FNBP4: variants seen among roughly 807,000 people sequenced by gnomAD.
The protein encoded by FNBP4 is formin-binding protein 4.
In FNBP4, 34 loss-of-function variants were observed where a neutral mutation model predicts 119.3. The observed-to-expected ratio is 0.28, with a 90% CI of 0.22 to 0.38. FNBP4 has a LOEUF of 0.38. Ranked by LOEUF, FNBP4 falls within the 10% of genes least tolerant of loss-of-function variation. FNBP4 has a pLI of 1.00. For missense variants in FNBP4, 1,112 were observed against 1,228.9 expected (o/e 0.90, Z 1.42); for synonymous variants, 462 against 430.6 (o/e 1.07, Z -0.90).
intron 8 of FNBP4, among the ~76,000 whole-genome samples, chr11:47,739,496 A>G (rs532279528): frequency 2.6e-5 from 4 of 152,292 alleles, no homozygotes; most frequent in African/African-American, 7.2e-5. Flanking sequence ...TAGAATGCAC[A>G]CACCCCTTTG....
intron 4 of FNBP4, among the ~76,000 whole-genome samples, chr11:47,751,514 T>C (rs1452365454): frequency 6.6e-6 from 1 of 151,688 alleles, no homozygotes; most frequent in Non-Finnish European, 1.5e-5. Flanking sequence ...CCTCCTACAT[T>C]GTGACAATAA....
chr11:47,719,840 C>T, intron 16 of FNBP4, 89 bp downstream of exon 16: 5 of 1,326,244 alleles, frequency 3.8e-6, no homozygotes, highest in Non-Finnish European at 5.2e-6. Context: ...TATTCTAATG[C>T]ATCTATAACA....
Position 47,753,120 on chromosome 11 carries a change from TA to T in FNBP4, c.451-19del. On this transcript the variant is annotated intron_variant, in intron 3 of 16. Transcript: ENST00000263773. ...TCGATCTCCTTCAGTATGAAAAGAG[TA>T]ACAAATGCAGTAATTATATCAAAAA... 1 of 1,570,778 alleles carries T rather than the reference TA, an allele frequency of 6.4e-7. No homozygotes were observed. The highest frequency in any genetic ancestry group is 8.6e-7 in the Non-Finnish European group (1 of 1,162,512).
chr11:47,750,648 C>T (rs1599234029), intron 6 of FNBP4, among the ~76,000 whole-genome samples: 1 of 125,746 alleles, frequency 8.0e-6, no homozygotes, highest in African/African-American at 3.1e-5. Context: ...GAGATCGCAC[C>T]ACTGTACTCC....
intron 3 of FNBP4, 96 bp downstream of exon 3, chr11:47,754,432 G>A: frequency 1.8e-6 from 2 of 1,139,776 alleles, no homozygotes; most frequent in South Asian, 1.5e-5. Context: ...GAGAAAGGAG[G>A]AGGAAGACAT....
chr11:47,722,909 T>G, intron 15 of FNBP4, 67 bp downstream of exon 15: 1 of 1,419,516 alleles, frequency 7.0e-7, no homozygotes, highest in Non-Finnish European at 9.2e-7. Context: ...GATAATTTCA[T>G]GTTATGTGAA....
At chr11:47,750,728 A>G (rs1253956968) in intron 6 of FNBP4, among the ~76,000 whole-genome samples, 188 bp downstream of exon 6, 1 of 150,880 alleles carries the variant, frequency 6.6e-6, no homozygotes, top group Non-Finnish European at 1.5e-5. Flanking sequence ...GAAAAAAGAA[A>G]AAAGAAAAAG....
At chr11:47,729,726 G>T (rs1386683059) in intron 12 of FNBP4, 9 of 985,224 alleles carry the variant, frequency 9.1e-6, no homozygotes, top group Non-Finnish European at 1.1e-5. Flanking sequence ...GCTGTGTTTT[G>T]TTTTTTCTCT....
intron 6 of FNBP4, 61 bp from the exon 7 acceptor site, chr11:47,746,455 C>A: frequency 7.6e-7 from 1 of 1,313,272 alleles, no homozygotes; most frequent in Non-Finnish European, 1.0e-6. Flanking sequence ...CCTGCACATA[C>A]ATTCAATTGC....
intron 6 of FNBP4, among the ~76,000 whole-genome samples, chr11:47,749,972 T>A (rs2097598673): frequency 6.6e-6 from 1 of 152,102 alleles, no homozygotes; most frequent in Admixed American, 6.6e-5. Flanking sequence ...ATATATGGAA[T>A]CCGAAAAATA....
chr11:47,719,082 G>T (rs1239758642), intron 16 of FNBP4, among the ~76,000 whole-genome samples: 2 of 151,936 alleles, frequency 1.3e-5, no homozygotes, highest in Non-Finnish European at 2.9e-5. Flanking sequence ...TAGAGATGGG[G>T]TTTCACCATG....
At chr11:47,766,400 G>A (rs1249155676) in intron 1 of FNBP4, among the ~76,000 whole-genome samples, 1 of 152,216 alleles carries the variant, frequency 6.6e-6, no homozygotes, top group Non-Finnish European at 1.5e-5. Context: ...TCCAGGCTAT[G>A]ATAGGACCTT....
In FNBP4 at chr11:47,746,281, T is replaced by C. The variant is rs1013737430; in HGVS notation, c.1020A>G (p.Arg340=). 3.1e-6 allele frequency: 5 copies of C among 1,614,052 alleles called. No individual in the cohort carries two copies. Among genetic ancestry groups the C allele is most frequent in the Non-Finnish European group, 4.2e-6 (5 of 1,180,040 alleles). The change falls in exon 7 of 17, where the codon AGA becomes AGG. Residue 340 remains arginine (R), a synonymous_variant. Coordinates refer to ENST00000263773, the MANE Select transcript of FNBP4 (RefSeq NM_015308.5). Reference sequence around the variant, plus strand: ...CTTTACAAATTACTTTTCTTCTCCATCTCTCTTCTTCTTCTTTTATTCCCT... The same window carrying C: ...CTTTACAAATTACTTTTCTTCTCCACCTCTCTTCTTCTTCTTTTATTCCCT... The part of the protein sequence containing the change: ...LPEGIKEEEE[R]WRRKVICKEE...
intron 6 of FNBP4, among the ~76,000 whole-genome samples, chr11:47,747,973 T>C (rs867498013): frequency 8.6e-5 from 13 of 151,074 alleles, no homozygotes; most frequent in African/African-American, 2.9e-4. Flanking sequence ...CTGGGCGTGG[T>C]GGCTCATGCC....
At chr11:47,763,546 G>C (rs1000735414) in intron 2 of FNBP4, among the ~76,000 whole-genome samples, 1 of 151,838 alleles carries the variant, frequency 6.6e-6, no homozygotes, top group Admixed American at 6.6e-5. Context: ...TGTCGCCCAG[G>C]CTGGAGTGCA....
intron 8 of FNBP4, among the ~76,000 whole-genome samples, chr11:47,737,116 G>A (rs1462597289): frequency 2.0e-5 from 3 of 152,100 alleles, no homozygotes; most frequent in Non-Finnish European, 2.9e-5. Flanking sequence ...GCTTGAACCC[G>A]AGAGGCGGAG....
chr11:47,742,578 G>A (rs1263828961), intron 8 of FNBP4, among the ~76,000 whole-genome samples: 1 of 146,162 alleles, frequency 6.8e-6, no homozygotes, highest in African/African-American at 2.5e-5. Flanking sequence ...ATGTTATTTC[G>A]AACTGCCAAC....
chr11:47,731,802 T>A (rs2135108910), intron 11 of FNBP4: 2 of 1,215,794 alleles, frequency 1.6e-6, no homozygotes, highest in East Asian at 3.4e-5. Context: ...CTCCAACAGA[T>A]GAGACTTAGA....
At chr11:47,743,257 C>T (rs1053239370) in intron 8 of FNBP4, among the ~76,000 whole-genome samples, 9 of 152,128 alleles carry the variant, frequency 5.9e-5, no homozygotes, top group South Asian at 2.1e-4. Context: ...GGGAGGCGGG[C>T]GGATCAACTG....
Sources: allele counts gnomAD v4.1 joint callset (sites outside exome capture counted in the v4.1 genomes callset), GRCh38; gene constraint gnomAD v4.1.1; transcripts MANE v1.5; gene names NCBI Gene and HGNC (gene_info 2026-07-23, HGNC 2026-07-21).